The following MXRA7 variants were observed in gnomAD, a reference collection of about 807,000 sequenced individuals.
MXRA7 encodes matrix-remodeling-associated protein 7.
MXRA7 carries 18 observed loss-of-function variants against 17.4 expected under a neutral mutation model. That is an observed-to-expected ratio of 1.03 (90% CI 0.71 to 1.53). The LOEUF (loss-of-function observed/expected upper bound fraction) is 1.53, where lower values mean the gene tolerates loss of function less well. Ranked by LOEUF, MXRA7 falls within the 40% of genes most tolerant of loss-of-function variation. MXRA7 has a pLI of 0.00. For synonymous variants in MXRA7, 70 were observed against 101.7 expected (o/e 0.69, Z 1.87); for missense variants, 141 against 209.3 (o/e 0.67, Z 2.01).
chr17:76,710,528 C>A, intron 1 of MXRA7, 77 bp downstream of exon 1: 1 of 1,168,410 alleles, frequency 8.6e-7, no homozygotes, highest in Non-Finnish European at 1.1e-6. Flanking sequence ...GGCCCCGCTC[C>A]CTGGCTCGGC....
chr17:76,688,458 C>T, intron 1 of MXRA7: 2 of 1,347,374 alleles, frequency 1.5e-6, no homozygotes, highest in Non-Finnish European at 1.9e-6. Context: ...CCTGTTGAGG[C>T]TTCTGTGTGC....
At chr17:76,692,748 CATTTAAAAT>C (rs1179246011) in intron 1 of MXRA7, among the ~76,000 whole-genome samples, 4 of 152,084 alleles carry the variant, frequency 2.6e-5, no homozygotes, top group African/African-American at 9.7e-5. Context: ...AGGTTATTTA[CATTTAAAAT>C]ACCTTGATAT....
chr17:76,683,164 C>T (rs989712453), intron 3 of MXRA7, among the ~76,000 whole-genome samples: 1 of 152,168 alleles, frequency 6.6e-6, no homozygotes, highest in African/African-American at 2.4e-5. Flanking sequence ...TGTGTCCAGC[C>T]CCCTCTAGCC....
downstream of MXRA7, chr17:76,677,482 G>T: frequency 1.3e-6 from 1 of 742,866 alleles, no homozygotes; most frequent in Non-Finnish European, 2.4e-6. Context: ...CTGCATCTAT[G>T]TTTATAAGGG....
At chr17:76,702,935 G>A (rs1018500998) in intron 1 of MXRA7, among the ~76,000 whole-genome samples, 1 of 91,212 alleles carries the variant, frequency 1.1e-5, no homozygotes, top group Non-Finnish European at 2.7e-5. Context: ...AAAGGCTAAC[G>A]GCTGACTTGA....
chr17:76,685,701 C>G (rs1252353149), intron 2 of MXRA7, among the ~76,000 whole-genome samples: 2 of 152,228 alleles, frequency 1.3e-5, no homozygotes, highest in African/African-American at 2.4e-5. Flanking sequence ...ATTTGCCAGT[C>G]CCCGAGGGGA....
intron 2 of MXRA7, among the ~76,000 whole-genome samples, chr17:76,685,687 C>A (rs2076386022): frequency 6.6e-6 from 1 of 152,200 alleles, no homozygotes; most frequent in African/African-American, 2.4e-5. Flanking sequence ...AGAGGCAGAG[C>A]CCGATTTGCC....
intron 2 of MXRA7, among the ~76,000 whole-genome samples, chr17:76,686,671 G>T (rs1483984551): frequency 6.6e-6 from 1 of 152,178 alleles, no homozygotes; most frequent in Non-Finnish European, 1.5e-5. Flanking sequence ...AGAATTCAAC[G>T]TGACAGCCTC....
At chr17:76,677,302 A>AC (rs10688242), downstream of MXRA7, 21 of 287,340 alleles carry the variant, frequency 7.3e-5, no homozygotes, top group Non-Finnish European at 1.1e-4. Flanking sequence ...AAACAAACAA[A>AC]AAAAGATTTG....
intron 1 of MXRA7, chr17:76,688,828 G>A (rs1480016794): frequency 2.1e-6 from 1 of 486,490 alleles, no homozygotes; most frequent in African/African-American, 2.0e-5. Context: ...GGGATTGAAG[G>A]TCATGGGGAG....
At chr17:76,673,627 G>C (rs2076218598) in exon 4 of MXRA7, 1 of 151,866 alleles carries the variant, frequency 6.6e-6, no homozygotes, top group South Asian at 2.1e-4. Context: ...CAGGTCCTTA[G>C]GACAAATTAG....
At position 76,702,625 on chromosome 17, in the gene MXRA7, G is replaced by A. The variant is rs1185777778; in HGVS notation, c.342+7980C>T. Among the ~76,000 whole-genome samples, 4 of 152,232 alleles carry A rather than the reference G, an allele frequency of 2.6e-5. No individual in the cohort carries two copies. In the East Asian group the frequency reaches 7.7e-4, roughly 29 times the overall value. ...AGTACTTTGGGAGGCCAAGGCGAAT[G>A]CATTGCTTGAGGGCAGGAGTTTGAG... On this transcript the variant is annotated intron_variant, in intron 1 of 3. Transcript: ENST00000449428.
At chr17:76,707,291 C>CTTTTTTTTTTTTTT (rs56067261) in intron 1 of MXRA7, among the ~76,000 whole-genome samples, 22 of 96,122 alleles carry the variant, frequency 2.3e-4, no homozygotes, top group South Asian at 7.8e-4. Flanking sequence ...AGTCCCTACT[C>CTTTTTTTTTTTTTT]TTTTTTTTTT....
At chr17:76,700,835 C>A (rs1052861577) in intron 1 of MXRA7, among the ~76,000 whole-genome samples, 2 of 151,942 alleles carry the variant, frequency 1.3e-5, no homozygotes, top group Non-Finnish European at 2.9e-5. Context: ...GGGCGGCAGG[C>A]GGGGGACTTT....
At chr17:76,698,447 C>A (rs998688355) in intron 1 of MXRA7, among the ~76,000 whole-genome samples, 1 of 152,174 alleles carries the variant, frequency 6.6e-6, no homozygotes, top group African/African-American at 2.4e-5. Context: ...CAGGGGTCAC[C>A]TCTGTTCCTC....
chr17:76,702,806 C>G (rs896383245), intron 1 of MXRA7, among the ~76,000 whole-genome samples: 1 of 99,622 alleles, frequency 1.0e-5, no homozygotes. Context: ...GAGCCAAGAT[C>G]GCGCCACTGC....
downstream of MXRA7, chr17:76,677,295 C>CAAAT (rs1037431185): frequency 1.1e-5 from 3 of 268,676 alleles, no homozygotes; most frequent in Non-Finnish European, 2.1e-5. Flanking sequence ...CCATCTCAAA[C>CAAAT]AAACAAAAAA....
intron 1 of MXRA7, among the ~76,000 whole-genome samples, chr17:76,701,396 G>T (rs1305709922): frequency 6.6e-6 from 1 of 152,010 alleles, no homozygotes; most frequent in Admixed American, 6.6e-5. Flanking sequence ...AATGCCGGGT[G>T]GAGGGGCAGC....
chr17:76,694,648 C>T (rs1331286096), intron 1 of MXRA7, among the ~76,000 whole-genome samples: 1 of 152,128 alleles, frequency 6.6e-6, no homozygotes, highest in Non-Finnish European at 1.5e-5. Flanking sequence ...TAGAGTGATG[C>T]GATCTCGGCT....
Sources: gnomAD v4.1 joint callset for allele counts (sites outside exome capture counted in the v4.1 genomes callset) on GRCh38, gnomAD v4.1.1 for gene constraint, MANE v1.5 for transcripts, NCBI Gene and HGNC (gene_info 2026-07-23, HGNC 2026-07-21) for gene names.